Variants in USP34 observed in about 807,000 individuals in gnomAD.
USP34 encodes the protein ubiquitin carboxyl-terminal hydrolase 34.
A neutral mutation model predicts 460.3 loss-of-function variants in USP34; 70 were observed. That is an observed-to-expected ratio of 0.15 (90% CI 0.13 to 0.19). The LOEUF is 0.19. Ranked by LOEUF, USP34 falls within the 10% of genes least tolerant of loss-of-function variation. USP34 has a pLI of 1.00. For synonymous variants in USP34, 1,647 were observed against 1,405.3 expected, an observed-to-expected ratio of 1.17 and a Z score of -3.85; for missense variants, 3,985 against 4,236.2, an observed-to-expected ratio of 0.94 and a Z score of 1.65.
At chr2:61,468,372 G>T (rs535757651) in intron 1 of USP34, among the ~76,000 whole-genome samples, 13 of 152,146 alleles carry the variant, frequency 8.5e-5, no homozygotes, top group Non-Finnish European at 1.2e-4. Flanking sequence ...GAGTAGAGAC[G>T]GGGTTTCTCC....
chr2:61,189,199 G>A, intron 78 of USP34, 130 bp from the exon 79 acceptor site: 1 of 950,954 alleles, frequency 1.1e-6, no homozygotes, highest in Non-Finnish European at 1.5e-6. Flanking sequence ...GTTTCTCTGG[G>A]ATTCTTAGAA....
chr2:61,280,944 T>G, intron 38 of USP34, 146 bp downstream of exon 38: 1 of 803,428 alleles, frequency 1.2e-6, no homozygotes, highest in South Asian at 1.9e-5. Flanking sequence ...GCTGTCACCT[T>G]AAGTAGTATA....
Position 61,316,821 on chromosome 2 carries a change from G to A in USP34, c.3282+833C>T, listed in dbSNP as rs536838238. Among the ~76,000 whole-genome samples, 11 of 152,094 alleles carry A rather than the reference G, an allele frequency of 7.2e-5. 1 individual carries two copies. Among genetic ancestry groups the A allele is most frequent in the South Asian group, 6.2e-4 (3 of 4,810 alleles). On this transcript the variant is annotated intron_variant, in intron 23 of 79. Transcript: ENST00000398571. ...GAATTGCTAGAACCCGGGAGGTGGC[G>A]GTTGCAGTGAGCTGAGATCACACCA... is the stretch of plus-strand genomic sequence containing the variant.
At chr2:61,231,204 T>C (rs1193085857) in intron 58 of USP34, among the ~76,000 whole-genome samples, 1 of 150,760 alleles carries the variant, frequency 6.6e-6, no homozygotes, top group African/African-American at 2.4e-5. Flanking sequence ...TCTATAAAGA[T>C]AGAAAGTAGA....
rs978730783 is a variant in USP34, at chr2:61,450,837, T to A, written c.43+19813A>T. ...AAGATGTCAACTCTTACCCCACTTATAAACATAATCCAATTTCAATAAAAA... is the reference window on the plus strand; with the variant it reads ...AAGATGTCAACTCTTACCCCACTTAAAAACATAATCCAATTTCAATAAAAA... On this transcript the variant is annotated intron_variant, in intron 1 of 79. Transcript: ENST00000398571. 3.1e-5 allele frequency among the ~76,000 whole-genome samples: 4 copies of A among 129,848 alleles called. No homozygotes were observed. In the South Asian group the frequency reaches 7.2e-4, roughly 23 times the overall value. The allele number at this position is 129,848 out of a possible 152,430, so 85.2% of individuals were successfully genotyped here. A position where few individuals can be genotyped will look rare whatever the true frequency, so the allele number is the denominator to read the frequency against.
At position 61,241,612 on chromosome 2, in the gene USP34, T is replaced by C; in HGVS notation, c.6725A>G (p.Glu2242Gly). ...TTTGTATTCTCTGCCATTTTCTTCC[T>C]CTGGTTCCATGCGTTTGTAAAACAG... Reference protein sequence around the residue: ...YMLFYKRMEPEEENGREYKFD... With the variant: ...YMLFYKRMEPGEENGREYKFD... Residue 2242 changes from glutamate to glycine, a missense_variant, in exon 53 of 80, where the codon GAG becomes GGG. Around this residue, in one of 14 missense-constraint regions of USP34, gnomAD observed 604 missense variants for 684.8 expected, o/e 0.88. Transcript: ENST00000398571. The C allele has an allele frequency of 6.2e-7, 1 of 1,610,548 alleles. No homozygotes were observed. Among genetic ancestry groups the C allele is most frequent in the Non-Finnish European group, 8.5e-7 (1 of 1,179,020 alleles).
intron 3 of USP34, among the ~76,000 whole-genome samples, chr2:61,396,101 A>G (rs192889050): frequency 6.6e-6 from 1 of 152,234 alleles, no homozygotes; most frequent in African/African-American, 2.4e-5. Flanking sequence ...TAATTCTGAT[A>G]AAAATACATG....
intron 7 of USP34, 83 bp from the exon 8 acceptor site, chr2:61,378,507 G>T: frequency 1.2e-6 from 1 of 833,182 alleles, no homozygotes; most frequent in South Asian, 1.7e-5. Flanking sequence ...ATGGTAAACT[G>T]ATTGACATAT....
In USP34 at chr2:61,236,232, T is replaced by G. The variant is rs750270220; in HGVS notation, c.6847A>C (p.Met2283Leu). The G allele has an allele frequency of 5.6e-6, 9 of 1,609,444 alleles. No individual in the cohort carries two copies. The highest frequency in any genetic ancestry group is 7.6e-6 in the Non-Finnish European group (9 of 1,178,290). The change falls in exon 55 of 80, where the codon ATG becomes CTG. Residue 2283 changes from methionine (M) to leucine (L), a missense_variant. Physicochemically the swap from Met to Leu is conservative, Grantham distance 15. Coordinates refer to ENST00000398571, the MANE Select transcript of USP34 (RefSeq NM_014709.4). ...GGAATACAACTACACAATTGCCACA[T>G]AAATCTAGAATTTAAAAATAATCAT... ...NIFEHTYFGFMWQLCSCIPST... is the reference protein window; with the variant it reads ...NIFEHTYFGFLWQLCSCIPST...
At chr2:61,341,292 C>G (rs1386394471) in intron 16 of USP34, among the ~76,000 whole-genome samples, 1 of 152,156 alleles carries the variant, frequency 6.6e-6, no homozygotes, top group Non-Finnish European at 1.5e-5. Context: ...CATGTTTTCA[C>G]TTCTCTTGAG....
At chr2:61,297,521 C>T (rs1222154260) in intron 29 of USP34, among the ~76,000 whole-genome samples, 1 of 152,064 alleles carries the variant, frequency 6.6e-6, no homozygotes, top group African/African-American at 2.4e-5. Context: ...AGGAAATAGG[C>T]AATTAAACAA....
chr2:61,438,552 A>C (rs1694879930), intron 1 of USP34, among the ~76,000 whole-genome samples: 1 of 152,102 alleles, frequency 6.6e-6, no homozygotes, highest in African/African-American at 2.4e-5. Flanking sequence ...GTGAACCAAG[A>C]TCACGCCACT....
chr2:61,309,669 T>C (rs1690526008), intron 27 of USP34, among the ~76,000 whole-genome samples: 1 of 152,204 alleles, frequency 6.6e-6, no homozygotes, highest in Non-Finnish European at 1.5e-5. Flanking sequence ...GGACATCCAT[T>C]TCATCCTAAA....
At chr2:61,302,545 T>C (rs1004199735) in intron 27 of USP34, among the ~76,000 whole-genome samples, 2 of 152,236 alleles carry the variant, frequency 1.3e-5, no homozygotes, top group African/African-American at 4.8e-5. Context: ...TGACAAACGT[T>C]CAATCCTATT....
At chr2:61,378,526 C>T in intron 7 of USP34, 102 bp from the exon 8 acceptor site, 1 of 644,570 alleles carries the variant, frequency 1.6e-6, no homozygotes. Flanking sequence ...ATGTAGATCA[C>T]AATAACTAGA....
chr2:61,448,136 T>C (rs1049443010), intron 1 of USP34, among the ~76,000 whole-genome samples: 3 of 152,236 alleles, frequency 2.0e-5, no homozygotes, highest in Admixed American at 6.5e-5. Context: ...AGTAGTTTTA[T>C]CCATGACACT....
chr2:61,255,352 C>G (rs755923757), intron 48 of USP34, among the ~76,000 whole-genome samples: 10 of 152,154 alleles, frequency 6.6e-5, no homozygotes, highest in Non-Finnish European at 1.3e-4. Context: ...CTATTCTAGA[C>G]CTCTCACCAA....
intron 8 of USP34, among the ~76,000 whole-genome samples, chr2:61,371,483 GAATATA>G (rs1310742695): frequency 6.8e-6 from 1 of 147,932 alleles, no homozygotes; most frequent in African/African-American, 2.5e-5. Flanking sequence ...CACAGAATAA[GAATATA>G]AAGAAAAAAT....
At chr2:61,421,611 C>T (rs1291831170) in intron 1 of USP34, among the ~76,000 whole-genome samples, 1 of 152,106 alleles carries the variant, frequency 6.6e-6, no homozygotes, top group Non-Finnish European at 1.5e-5. Context: ...CTTACTGTTT[C>T]TTTATATATT....
Sources: allele counts gnomAD v4.1 joint callset (sites outside exome capture counted in the v4.1 genomes callset), GRCh38; gene constraint gnomAD v4.1.1; regional missense constraint gnomAD v4.1.1; transcripts MANE v1.5; gene names NCBI Gene and HGNC (gene_info 2026-07-23, HGNC 2026-07-21).